The following DHRSX variants were observed in gnomAD, a reference collection of about 807,000 sequenced individuals.
DHRSX encodes the protein dehydrogenase/reductase X-linked.
Under a neutral mutation model 34.0 loss-of-function variants are expected in DHRSX, and 31 were observed. That is an observed-to-expected ratio of 0.91 (90% CI 0.69 to 1.23). DHRSX has a LOEUF of 1.23. Ranked by LOEUF, DHRSX falls within the 50% of genes most tolerant of loss-of-function variation. DHRSX has a pLI of 0.00. For synonymous variants in DHRSX, 201 were observed against 183.8 expected, an observed-to-expected ratio of 1.09 and a Z score of -0.76; for missense variants, 414 against 428.1, an observed-to-expected ratio of 0.97 and a Z score of 0.29.
intron 1 of DHRSX, among the ~76,000 whole-genome samples, chrX:2,479,321 GAA>G (rs1719616731): frequency 6.7e-6 from 1 of 149,720 alleles, no homozygotes; most frequent in South Asian, 2.1e-4. Context: ...TGTGCACACT[GAA>G]GATGATCCCT....
At position 2,353,173 on chromosome X, in the gene DHRSX, G is replaced by A. The variant is rs183535044; in HGVS notation, c.286+55572C>T. ...GGTGGGAAGATTGCTTGAGCCCGGA[G>A]GCAGAAATTGCAGTGAGCCAAGACT... is the stretch of plus-strand genomic sequence containing the variant. On this transcript the variant is annotated intron_variant, in intron 3 of 6. Transcript: ENST00000334651. 4.7e-4 allele frequency among the ~76,000 whole-genome samples: 71 copies of A among 152,226 alleles called. No individual in the cohort carries two copies. In the East Asian group the frequency reaches 0.013, roughly 28 times the overall value.
intron 2 of DHRSX, among the ~76,000 whole-genome samples, chrX:2,417,148 G>T (rs776821300): frequency 6.6e-6 from 1 of 152,132 alleles, no homozygotes; most frequent in Non-Finnish European, 1.5e-5. Context: ...ACACAGGTGG[G>T]GTGCAGATGT....
intron 1 of DHRSX, among the ~76,000 whole-genome samples, chrX:2,472,638 G>A (rs1273781767): frequency 6.6e-6 from 1 of 151,956 alleles, no homozygotes; most frequent in Non-Finnish European, 1.5e-5. Context: ...GCATGGTGGC[G>A]CATGCCTATA....
intron 1 of DHRSX, among the ~76,000 whole-genome samples, chrX:2,451,363 C>A (rs765016053): frequency 6.6e-6 from 1 of 152,230 alleles, no homozygotes; most frequent in African/African-American, 2.4e-5. Context: ...TGTCATCCTC[C>A]CAAGTCTACA....
intron 1 of DHRSX, among the ~76,000 whole-genome samples, chrX:2,465,809 C>CAAAAAAAAAAAAA (rs375728172): frequency 1.3e-4 from 11 of 84,730 alleles, no homozygotes; most frequent in African/African-American, 3.6e-4. Flanking sequence ...AACTCCATCG[C>CAAAAAAAAAAAAA]AAAAAAAAAA....
At chrX:2,360,546 G>A (rs2042920114) in intron 3 of DHRSX, among the ~76,000 whole-genome samples, 1 of 152,238 alleles carries the variant, frequency 6.6e-6, no homozygotes, top group Non-Finnish European at 1.5e-5. Flanking sequence ...TCGCGCCACT[G>A]CACTCCAGCC....
In DHRSX at chrX:2,374,840, G is replaced by A. The variant is rs139005052; in HGVS notation, c.286+33905C>T. Among the ~76,000 whole-genome samples the A allele has an allele frequency of 5.2e-4, 72 of 137,826 alleles. 6 individuals carry two copies. Among genetic ancestry groups the A allele is most frequent in the African/African-American group, 1.8e-3 (72 of 40,732 alleles). 90.4% of individuals were successfully genotyped at this position (137,826 alleles called of 152,430 possible). ...TAATCCCAGCACTTTGGGAGGCCGT[G>A]GTGGAAGGATCCCTTGAGCCCTGGA... On this transcript the variant is annotated intron_variant, in intron 3 of 6. Transcript: ENST00000334651.
chrX:2,414,863 T>A, intron 2 of DHRSX, among the ~76,000 whole-genome samples: 1 of 151,906 alleles, frequency 6.6e-6, no homozygotes, highest in East Asian at 1.9e-4. Flanking sequence ...GATTTCATTA[T>A]GACCTAATAC....
chrX:2,470,400 C>G (rs1196819449), intron 1 of DHRSX, among the ~76,000 whole-genome samples: 1 of 145,654 alleles, frequency 6.9e-6, no homozygotes, highest in Non-Finnish European at 1.5e-5. Flanking sequence ...TATCTCTAAA[C>G]AAATAAAAAA....
At chrX:2,378,957 C>T (rs2043173606) in intron 3 of DHRSX, among the ~76,000 whole-genome samples, 1 of 152,106 alleles carries the variant, frequency 6.6e-6, no homozygotes, top group Non-Finnish European at 1.5e-5. Flanking sequence ...CAGGCGTGAG[C>T]CACCGCGCCC....
chrX:2,331,928 C>A (rs1354537131), intron 3 of DHRSX, among the ~76,000 whole-genome samples: 1 of 152,042 alleles, frequency 6.6e-6, no homozygotes, highest in Non-Finnish European at 1.5e-5. Context: ...CCTGATCAGT[C>A]CACAGCCAGC....
rs143586213 is a variant in DHRSX at position 2,370,812 on chromosome X, C to T, written c.286+37933G>A. On this transcript the variant is annotated intron_variant, in intron 3 of 6. Transcript: ENST00000334651. ...ATCAGGCCCCGGGATGTTGGGCCAGCCTCACCTGGAGCAAACGTCAGAGGA... is the reference window on the plus strand; with the variant it reads ...ATCAGGCCCCGGGATGTTGGGCCAGTCTCACCTGGAGCAAACGTCAGAGGA... Among the ~76,000 whole-genome samples the T allele has an allele frequency of 2.3e-4, 35 of 152,206 alleles. No homozygotes were observed. In the East Asian group the frequency reaches 6.8e-3, roughly 29 times the overall value.
intron 3 of DHRSX, among the ~76,000 whole-genome samples, chrX:2,338,335 AAAAAT>A (rs1312044009): frequency 2.0e-5 from 3 of 151,702 alleles, no homozygotes; most frequent in Non-Finnish European, 4.4e-5. Flanking sequence ...TCTGTTTCAA[AAAAAT>A]AAAATAAAAA....
At chrX:2,469,841 T>C (rs757312401) in intron 1 of DHRSX, among the ~76,000 whole-genome samples, 8 of 152,260 alleles carry the variant, frequency 5.3e-5, no homozygotes, top group African/African-American at 1.7e-4. Flanking sequence ...GGTCCAGCCA[T>C]AGGCCTGCAA....
At chrX:2,427,689 A>G (rs1321079548) in intron 1 of DHRSX, among the ~76,000 whole-genome samples, 2 of 152,226 alleles carry the variant, frequency 1.3e-5, no homozygotes, top group Admixed American at 1.3e-4. Context: ...GGGAATTTCC[A>G]TGAATTCCCT....
At position 2,377,267 on chromosome X, in the gene DHRSX, G is replaced by GT. The variant is rs199724883; in HGVS notation, c.286+31477dup. ...TTTCTATGATGATACGTTAAATGAAGTAATTCTACAATACAACTCATTGCC... is the reference window on the plus strand; with the variant it reads ...TTTCTATGATGATACGTTAAATGAAGTTAATTCTACAATACAACTCATTGCC... On this transcript the variant is annotated intron_variant, in intron 3 of 6. Transcript: ENST00000334651. Among the ~76,000 whole-genome samples, 146 of 151,990 alleles carry GT rather than the reference G, an allele frequency of 9.6e-4. 2 individuals are homozygous for GT. The East Asian group carries it at 0.023, about 24-fold the overall frequency.
intron 3 of DHRSX, among the ~76,000 whole-genome samples, chrX:2,402,883 CTTT>C (rs758977585): frequency 2.5e-5 from 3 of 117,764 alleles, no homozygotes; most frequent in Non-Finnish European, 5.3e-5. Flanking sequence ...TAATTGGTTT[CTTT>C]TTTTTTTTTT....
intron 1 of DHRSX, among the ~76,000 whole-genome samples, chrX:2,485,238 G>A (rs139812223): frequency 3.3e-5 from 5 of 152,184 alleles, no homozygotes; most frequent in African/African-American, 1.2e-4. Context: ...TACTCCTAAT[G>A]GGAAAAACGT....
At chrX:2,423,584 T>A (rs1031367562) in intron 2 of DHRSX, among the ~76,000 whole-genome samples, 1 of 152,060 alleles carries the variant, frequency 6.6e-6, no homozygotes, top group Admixed American at 6.5e-5. Context: ...CAGAGTAGGA[T>A]CCTGTCTGAA....
Sources: gnomAD v4.1 joint callset for allele counts (sites outside exome capture counted in the v4.1 genomes callset) on GRCh38, gnomAD v4.1.1 for gene constraint, MANE v1.5 for transcripts, NCBI Gene and HGNC (gene_info 2026-07-23, HGNC 2026-07-21) for gene names.